B3GALT1: variants seen among roughly 807,000 people sequenced by gnomAD.
B3GALT1 encodes the protein beta-1,3-galactosyltransferase 1.
In B3GALT1, 10 loss-of-function variants were observed where a neutral mutation model predicts 23.2. That is an observed-to-expected ratio of 0.43 (90% CI 0.27 to 0.73). The LOEUF (loss-of-function observed/expected upper bound fraction) is 0.73, where lower values mean the gene tolerates loss of function less well. Among genes scored for constraint, B3GALT1 ranks in the 30% least tolerant of loss-of-function variants. The pLI is 0.21. For missense variants in B3GALT1, 299 were observed against 405.4 expected (o/e 0.74, Z 2.25); for synonymous variants, 156 against 141.5 (o/e 1.10, Z -0.73).
intron 1 of B3GALT1, among the ~76,000 whole-genome samples, chr2:167,299,996 G>A (rs13016785): frequency 0.099 from 15,017 of 151,988 alleles, 968 homozygotes; most frequent in East Asian, 0.28. Flanking sequence ...TCTTCCTCCC[G>A]GGTTCAAGCA....
At chr2:167,861,592 A>G (rs1235218848) in intron 4 of B3GALT1, among the ~76,000 whole-genome samples, 1 of 152,176 alleles carries the variant, frequency 6.6e-6, no homozygotes, top group Non-Finnish European at 1.5e-5. Context: ...CAAAGACTGA[A>G]CCAGAGATAG....
chr2:167,417,762 T>C (rs1698492047), intron 1 of B3GALT1, among the ~76,000 whole-genome samples: 1 of 152,220 alleles, frequency 6.6e-6, no homozygotes, highest in Non-Finnish European at 1.5e-5. Flanking sequence ...CAGACTATTA[T>C]AATAATGGTC....
rs1684333716 is a variant in B3GALT1, at chr2:167,573,537, A to G, written c.-409-73372A>G. Among the ~76,000 whole-genome samples the G allele has an allele frequency of 2.0e-5, 3 of 151,724 alleles. 1 individual carries two copies. In the South Asian group the frequency reaches 6.2e-4, roughly 31 times the overall value. ...TTATGCTAAACTAGCACTTTCAATTAGATTTTGGATTTTATAGGATACTGA... is the reference window on the plus strand; with the variant it reads ...TTATGCTAAACTAGCACTTTCAATTGGATTTTGGATTTTATAGGATACTGA... On this transcript the variant is annotated intron_variant, in intron 2 of 4. Coordinates refer to ENST00000392690, the MANE Select transcript of B3GALT1 (RefSeq NM_020981.4).
intron 2 of B3GALT1, among the ~76,000 whole-genome samples, chr2:167,490,896 A>C (rs1699699298): frequency 6.6e-6 from 1 of 152,222 alleles, no homozygotes; most frequent in South Asian, 2.1e-4. Context: ...AAGATTGACC[A>C]GTATTCCTGA....
At chr2:167,493,216 C>G (rs1038485708) in intron 2 of B3GALT1, among the ~76,000 whole-genome samples, 4 of 152,100 alleles carry the variant, frequency 2.6e-5, no homozygotes, top group African/African-American at 9.7e-5. Flanking sequence ...AGTCATTTTT[C>G]TGTATGTTTG....
chr2:167,561,517 G>C (rs1481390854), intron 2 of B3GALT1, among the ~76,000 whole-genome samples: 12 of 151,980 alleles, frequency 7.9e-5, no homozygotes, highest in Admixed American at 7.2e-4. Context: ...GAATCCAGGA[G>C]CTGGTTTTTT....
intron 1 of B3GALT1, among the ~76,000 whole-genome samples, chr2:167,301,643 C>CT (rs1696447047): frequency 6.6e-6 from 1 of 152,144 alleles, no homozygotes; most frequent in Non-Finnish European, 1.5e-5. Flanking sequence ...CTCTGCCTCC[C>CT]AGGTTCAAGC....
chr2:167,400,589 T>G (rs900306736), intron 1 of B3GALT1, among the ~76,000 whole-genome samples: 12 of 152,110 alleles, frequency 7.9e-5, no homozygotes, highest in African/African-American at 2.9e-4. Context: ...TGAAGATACA[T>G]TAACTTGCAG....
At position 167,803,085 on chromosome 2, in the gene B3GALT1, C is replaced by CAT. The variant is rs1389097822; in HGVS notation, c.-351-15586_-351-15585insTA. Among the ~76,000 whole-genome samples, 20 of 108,500 alleles carry CAT rather than the reference C, an allele frequency of 1.8e-4. No individual in the cohort carries two copies. The South Asian group carries it at 3.7e-3, about 20-fold the overall frequency. 71.2% of individuals were successfully genotyped at this position (108,500 alleles called of 152,430 possible). Reference sequence around the variant, plus strand: ...AATGTTCATTTGACCCTAACAAACACACACACACACACACACACACACACA... The same window carrying CAT: ...AATGTTCATTTGACCCTAACAAACACATACACACACACACACACACACACACA... On this transcript the variant is annotated intron_variant, in intron 3 of 4. Coordinates refer to ENST00000392690, the MANE Select transcript of B3GALT1 (RefSeq NM_020981.4).
intron 2 of B3GALT1, among the ~76,000 whole-genome samples, chr2:167,506,127 C>G (rs567779554): frequency 2.0e-5 from 3 of 152,288 alleles, no homozygotes; most frequent in Non-Finnish European, 2.9e-5. Flanking sequence ...TGATGTCTTT[C>G]CTTATACCCC....
At chr2:167,618,082 C>G (rs775595087) in intron 2 of B3GALT1, among the ~76,000 whole-genome samples, 18 of 151,920 alleles carry the variant, frequency 1.2e-4, no homozygotes, top group Non-Finnish European at 2.1e-4. Flanking sequence ...CAAACAGGAG[C>G]GAAGGTAGAA....
chr2:167,629,176 G>A (rs1685397270), intron 2 of B3GALT1, among the ~76,000 whole-genome samples: 1 of 151,520 alleles, frequency 6.6e-6, no homozygotes, highest in African/African-American at 2.4e-5. Flanking sequence ...TTGAATATCA[G>A]CATACCTAAT....
At position 167,590,542 on chromosome 2, in the gene B3GALT1, G is replaced by GA. The variant is rs869234866; in HGVS notation, c.-409-56359dup. Among the ~76,000 whole-genome samples, 7 of 151,134 alleles carry GA rather than the reference G, an allele frequency of 4.6e-5. No individual in the cohort carries two copies. In the East Asian group the frequency reaches 7.7e-4, roughly 17 times the overall value. ...TAAAATAAAATAGAACCCAAGGGGG[G>GA]AAAAAAAAGAAATAACATGAAGAAA... On this transcript the variant is annotated intron_variant, in intron 2 of 4. Transcript: ENST00000392690.
intron 2 of B3GALT1, among the ~76,000 whole-genome samples, chr2:167,629,107 T>C (rs1685394923): frequency 6.6e-6 from 1 of 151,656 alleles, no homozygotes; most frequent in Non-Finnish European, 1.5e-5. Context: ...AGCAGAGGTA[T>C]GTAATGATTC....
intron 1 of B3GALT1, among the ~76,000 whole-genome samples, chr2:167,405,663 A>G (rs1698263680): frequency 6.6e-6 from 1 of 152,138 alleles, no homozygotes; most frequent in African/African-American, 2.4e-5. Context: ...CTATGGAATG[A>G]ATTACTCATT....
At chr2:167,761,536 T>C (rs1687899663) in intron 3 of B3GALT1, among the ~76,000 whole-genome samples, 1 of 152,270 alleles carries the variant, frequency 6.6e-6, no homozygotes, top group East Asian at 1.9e-4. Context: ...TCTTTTTCAT[T>C]TGTCAACTGG....
chr2:167,797,456 T>C (rs1368815515), intron 3 of B3GALT1, among the ~76,000 whole-genome samples: 1 of 152,206 alleles, frequency 6.6e-6, no homozygotes, highest in African/African-American at 2.4e-5. Flanking sequence ...CATGTATCTT[T>C]ATAATAGAAT....
chr2:167,820,981 GC>G (rs1689093753), intron 4 of B3GALT1, among the ~76,000 whole-genome samples: 1 of 152,086 alleles, frequency 6.6e-6, no homozygotes, highest in Non-Finnish European at 1.5e-5. Context: ...TTTTATCTCT[GC>G]CTCTGGATTA....
intron 4 of B3GALT1, among the ~76,000 whole-genome samples, chr2:167,825,409 GAGAA>G (rs1384012901): frequency 6.7e-6 from 1 of 150,110 alleles, no homozygotes; most frequent in African/African-American, 2.4e-5. Context: ...GCTCTCCAGA[GAGAA>G]AGAACCAATA....
Sources: gnomAD v4.1 joint callset for allele counts (sites outside exome capture counted in the v4.1 genomes callset) on GRCh38, gnomAD v4.1.1 for gene constraint, MANE v1.5 for transcripts, NCBI Gene and HGNC (gene_info 2026-07-23, HGNC 2026-07-21) for gene names.